The following KSR2 variants were observed in gnomAD, a reference collection of about 807,000 sequenced individuals.
KSR2 encodes kinase suppressor of ras 2.
In KSR2, 25 loss-of-function variants were observed where a neutral mutation model predicts 107.8. The ratio of observed to expected loss-of-function variants is 0.23; its 90% confidence interval spans 0.17 to 0.32. KSR2 has a LOEUF of 0.32. Among genes scored for constraint, KSR2 ranks in the 10% least tolerant of loss-of-function variants. The pLI, the probability that KSR2 is intolerant of heterozygous loss-of-function variation, is 1.00. For synonymous variants in KSR2, 480 were observed against 507.0 expected, an observed-to-expected ratio of 0.95 and a Z score of 0.71; for missense variants, 887 against 1,268.9, an observed-to-expected ratio of 0.70 and a Z score of 4.57.
chr12:117,480,375 G>A (rs1165995063), intron 16 of KSR2, among the ~76,000 whole-genome samples: 1 of 152,100 alleles, frequency 6.6e-6, no homozygotes, highest in African/African-American at 2.4e-5. Flanking sequence ...ACACCCTGGG[G>A]TGCCCCGTTC....
chr12:117,606,129 G>T (rs1262830280), intron 5 of KSR2, among the ~76,000 whole-genome samples: 1 of 152,066 alleles, frequency 6.6e-6, no homozygotes, highest in East Asian at 1.9e-4. Flanking sequence ...TACCTGGCAT[G>T]CAGGAATGGA....
At chr12:117,556,550 G>T (rs775214594) in intron 8 of KSR2, among the ~76,000 whole-genome samples, 12 of 152,152 alleles carry the variant, frequency 7.9e-5, no homozygotes, top group Admixed American at 2.6e-4. Flanking sequence ...ACAGTGCAAC[G>T]ATCATCGAAA....
intron 4 of KSR2, among the ~76,000 whole-genome samples, chr12:117,736,823 AAAAAG>A (rs1220674735): frequency 6.2e-5 from 9 of 145,032 alleles, no homozygotes; most frequent in South Asian, 4.3e-4. Flanking sequence ...AAAAAAAAAA[AAAAAG>A]AAAAGAAAAG....
At chr12:117,835,216 C>T (rs542512143) in intron 3 of KSR2, among the ~76,000 whole-genome samples, 1 of 152,288 alleles carries the variant, frequency 6.6e-6, no homozygotes, top group Non-Finnish European at 1.5e-5. Context: ...TCTGCTGTTG[C>T]CCCCTTTCAT....
intron 14 of KSR2, among the ~76,000 whole-genome samples, chr12:117,508,321 C>T (rs1873825660): frequency 6.6e-6 from 1 of 152,186 alleles, no homozygotes; most frequent in Admixed American, 6.5e-5. Context: ...TTAATTGTGA[C>T]ACACGGCATG....
At chr12:117,514,336 G>A (rs1357346550) in intron 14 of KSR2, among the ~76,000 whole-genome samples, 1 of 152,124 alleles carries the variant, frequency 6.6e-6, no homozygotes, top group East Asian at 1.9e-4. Context: ...TTTGGAGGAG[G>A]GGAATACATC....
chr12:117,857,503 A>T (rs912425900), intron 2 of KSR2, among the ~76,000 whole-genome samples: 1 of 152,214 alleles, frequency 6.6e-6, no homozygotes, highest in Non-Finnish European at 1.5e-5. Flanking sequence ...TCTAAAGCTT[A>T]AGTTCAGAAA....
At chr12:117,526,432 G>A (rs533955897) in intron 13 of KSR2, among the ~76,000 whole-genome samples, 2 of 152,310 alleles carry the variant, frequency 1.3e-5, no homozygotes, top group Non-Finnish European at 2.9e-5. Context: ...AGCTCTTCCT[G>A]ACCCAAAATA....
intron 4 of KSR2, among the ~76,000 whole-genome samples, chr12:117,729,364 C>T (rs920976536): frequency 6.6e-6 from 1 of 152,008 alleles, no homozygotes; most frequent in Non-Finnish European, 1.5e-5. Context: ...TAGTTGCATA[C>T]GACAACAGGG....
chr12:117,624,458 C>T (rs928942563), intron 5 of KSR2, among the ~76,000 whole-genome samples: 1 of 152,200 alleles, frequency 6.6e-6, no homozygotes, highest in Admixed American at 6.5e-5. Flanking sequence ...GTTTTCCCAG[C>T]ACCATTTATT....
chr12:117,797,259 A>G (rs1055275337), intron 3 of KSR2, among the ~76,000 whole-genome samples: 1 of 152,256 alleles, frequency 6.6e-6, no homozygotes, highest in African/African-American at 2.4e-5. Context: ...AGGAATGGAT[A>G]ATAAAATGTG....
At chr12:117,574,499 G>C (rs555128400) in intron 7 of KSR2, among the ~76,000 whole-genome samples, 1 of 152,280 alleles carries the variant, frequency 6.6e-6, no homozygotes, top group South Asian at 2.1e-4. Flanking sequence ...CGACAAGAGA[G>C]AATGAAGAAA....
At chr12:117,936,477 C>T (rs1283451340) in intron 1 of KSR2, among the ~76,000 whole-genome samples, 6 of 151,936 alleles carry the variant, frequency 3.9e-5, no homozygotes, top group African/African-American at 1.5e-4. Flanking sequence ...CAGGTGCACA[C>T]CACCATGCCT....
chr12:117,706,972 G>A (rs1886553396), intron 4 of KSR2, among the ~76,000 whole-genome samples: 1 of 152,114 alleles, frequency 6.6e-6, no homozygotes, highest in South Asian at 2.1e-4. Context: ...ATCAACTGAG[G>A]ACTGGATAAA....
chr12:117,668,139 T>C (rs1441994559), intron 4 of KSR2, among the ~76,000 whole-genome samples: 1 of 152,240 alleles, frequency 6.6e-6, no homozygotes, highest in Non-Finnish European at 1.5e-5. Context: ...CCAAATCCAC[T>C]GCCCTTCCTC....
At chr12:117,478,871 A>C (rs1871971229) in intron 16 of KSR2, among the ~76,000 whole-genome samples, 1 of 152,226 alleles carries the variant, frequency 6.6e-6, no homozygotes, top group Admixed American at 6.5e-5. Flanking sequence ...TTTTAACTTA[A>C]ATATATTTCA....
chr12:117,865,883 T>G (rs184735085), intron 1 of KSR2, among the ~76,000 whole-genome samples: 1 of 152,284 alleles, frequency 6.6e-6, no homozygotes, highest in South Asian at 2.1e-4. Flanking sequence ...CCAGGCATAG[T>G]GTTAAATAAC....
At chr12:117,848,847 GTGATGA>G in intron 3 of KSR2, among the ~76,000 whole-genome samples, 5 of 151,110 alleles carry the variant, frequency 3.3e-5, no homozygotes, top group Non-Finnish European at 4.4e-5. Context: ...GGTGGTGATG[GTGATGA>G]TGGTGATGAT....
At chr12:117,955,197 C>G (rs1896477117) in intron 1 of KSR2, among the ~76,000 whole-genome samples, 1 of 151,980 alleles carries the variant, frequency 6.6e-6, no homozygotes, top group African/African-American at 2.4e-5. Flanking sequence ...TCATGGCTCA[C>G]TGCAGCCTCA....
Sources: allele counts gnomAD v4.1 joint callset (sites outside exome capture counted in the v4.1 genomes callset), GRCh38; gene constraint gnomAD v4.1.1; transcripts MANE v1.5; gene names NCBI Gene and HGNC (gene_info 2026-07-23, HGNC 2026-07-21).